ELAPOR2: variants seen among roughly 807,000 people sequenced by gnomAD.
ELAPOR2 encodes the protein endosome/lysosome-associated apoptosis and autophagy regulator family member 2.
In ELAPOR2, 89 loss-of-function variants were observed where a neutral mutation model predicts 120.7. The ratio of observed to expected loss-of-function variants is 0.74; its 90% CI spans 0.62 to 0.88. ELAPOR2 has a LOEUF of 0.88. ELAPOR2 is among the 40% of genes least tolerant of loss of function. The probability of loss-of-function intolerance (pLI) is 0.00; values close to 1 mark genes in which losing one functional copy is unlikely to be tolerated. For synonymous variants in ELAPOR2, 444 were observed against 444.9 expected (o/e 1.00, Z 0.03); for missense variants, 1,134 against 1,251.6 (o/e 0.91, Z 1.42).
chr7:86,970,063 G>T (rs1792053074), intron 1 of ELAPOR2, among the ~76,000 whole-genome samples: 1 of 152,196 alleles, frequency 6.6e-6, no homozygotes, highest in South Asian at 2.1e-4. Flanking sequence ...GAATAGGTGA[G>T]TGAGTGAATG....
At chr7:87,025,750 A>C (rs1794221826) in intron 1 of ELAPOR2, among the ~76,000 whole-genome samples, 2 of 152,158 alleles carry the variant, frequency 1.3e-5, no homozygotes. Flanking sequence ...ACATTAAATA[A>C]TTTTACTAAA....
At chr7:86,940,432 G>C (rs1042151579) in intron 5 of ELAPOR2, among the ~76,000 whole-genome samples, 1 of 152,052 alleles carries the variant, frequency 6.6e-6, no homozygotes, top group Admixed American at 6.6e-5. Context: ...ATCCATTTTA[G>C]AGGGTGAAAG....
intron 16 of ELAPOR2, 73 bp downstream of exon 16, chr7:86,909,739 A>G (rs1562913997): frequency 1.1e-5 from 14 of 1,303,662 alleles, no homozygotes; most frequent in East Asian, 2.4e-5. Context: ...AAACACCAAT[A>G]CAATGACAAG....
intron 1 of ELAPOR2, among the ~76,000 whole-genome samples, chr7:86,980,380 T>A (rs1024378): frequency 0.39 from 58,804 of 152,020 alleles, 12,421 homozygotes; most frequent in African/African-American, 0.56. Flanking sequence ...AACATACATT[T>A]GAGGCAGTTC....
intron 18 of ELAPOR2, among the ~76,000 whole-genome samples, chr7:86,899,819 T>C (rs1333945279): frequency 2.0e-5 from 3 of 151,910 alleles, no homozygotes; most frequent in Non-Finnish European, 4.4e-5. Flanking sequence ...CTGGGGAAAA[T>C]GGTTTAATTC....
chr7:86,953,615 A>G (rs1791356090), intron 2 of ELAPOR2, among the ~76,000 whole-genome samples: 1 of 152,200 alleles, frequency 6.6e-6, no homozygotes, highest in South Asian at 2.1e-4. Context: ...AACAAGCAGT[A>G]TGATAGACAG....
intron 18 of ELAPOR2, among the ~76,000 whole-genome samples, chr7:86,906,376 AC>A (rs1789016525): frequency 1.3e-5 from 2 of 152,126 alleles, no homozygotes; most frequent in African/African-American, 4.8e-5. Context: ...CTCACCTTGA[AC>A]AGGTAAAAAG....
chr7:87,040,205 C>A (rs1219764662), intron 1 of ELAPOR2, among the ~76,000 whole-genome samples: 2 of 152,258 alleles, frequency 1.3e-5, no homozygotes, highest in Non-Finnish European at 2.9e-5. Context: ...GAGGCGCCCG[C>A]CATTGCCCAG....
At chr7:86,938,441 C>T (rs1438209989) in intron 7 of ELAPOR2, among the ~76,000 whole-genome samples, 1 of 151,954 alleles carries the variant, frequency 6.6e-6, no homozygotes, top group Non-Finnish European at 1.5e-5. Flanking sequence ...CAGTTTTTCC[C>T]AGAAGATATT....
chr7:86,986,386 G>A lies in ELAPOR2; in HGVS notation c.190-21362C>T, dbSNP rs1239683723. Among the ~76,000 whole-genome samples, 6 of 109,154 alleles carry A rather than the reference G, an allele frequency of 5.5e-5. 1 individual carries two copies. Among genetic ancestry groups the A allele is most frequent in the East Asian group, 2.3e-4 (1 of 4,362 alleles). The allele number at this position is 109,154 out of a possible 152,430, so 71.6% of individuals were successfully genotyped here. A position where few individuals can be genotyped will look rare whatever the true frequency, so the allele number is the denominator to read the frequency against. On this transcript the variant is annotated intron_variant, in intron 1 of 21. Coordinates refer to ENST00000450689, the MANE Select transcript of ELAPOR2 (RefSeq NM_001142749.3). Reference sequence around the variant, plus strand: ...GGAGCTTGCAGTGAGCCGAGATCCCGCCACTGCACTCCAGCCTGGGCGACA... The same window carrying A: ...GGAGCTTGCAGTGAGCCGAGATCCCACCACTGCACTCCAGCCTGGGCGACA...
chr7:86,988,681 A>C (rs1161902398), intron 1 of ELAPOR2, among the ~76,000 whole-genome samples: 9 of 152,228 alleles, frequency 5.9e-5, no homozygotes, highest in Non-Finnish European at 8.8e-5. Flanking sequence ...GACAGTTTTC[A>C]AAAAGTATGT....
At chr7:86,945,518 G>A (rs778012465) in intron 3 of ELAPOR2, among the ~76,000 whole-genome samples, 1 of 152,096 alleles carries the variant, frequency 6.6e-6, no homozygotes, top group Admixed American at 6.5e-5. Context: ...TGTCAGTGAT[G>A]GACTTGGCTT....
intron 18 of ELAPOR2, among the ~76,000 whole-genome samples, chr7:86,901,855 G>A (rs1050031526): frequency 1.3e-5 from 2 of 152,198 alleles, no homozygotes; most frequent in African/African-American, 4.8e-5. Context: ...TTTCTCTGCT[G>A]AGGATGGCTT....
At chr7:86,939,961 A>G (rs1369513090) in intron 6 of ELAPOR2, 49 bp downstream of exon 6, 1 of 1,151,968 alleles carries the variant, frequency 8.7e-7, no homozygotes, top group East Asian at 2.5e-5. Context: ...TATTTTAACT[A>G]ACTGTAAGAT....
At chr7:86,894,790 A>T (rs925053933) in intron 19 of ELAPOR2, among the ~76,000 whole-genome samples, 2 of 152,070 alleles carry the variant, frequency 1.3e-5, no homozygotes, top group African/African-American at 2.4e-5. Context: ...AGATAAATTT[A>T]AAGATAAATT....
At chr7:87,032,855 C>T (rs1033761881) in intron 1 of ELAPOR2, among the ~76,000 whole-genome samples, 5 of 152,174 alleles carry the variant, frequency 3.3e-5, no homozygotes, top group African/African-American at 1.2e-4. Context: ...TGGCTACCTA[C>T]ACACCTTGTG....
rs531886412 is a variant in ELAPOR2 at position 87,033,820 on chromosome 7, T to A, written c.189+25505A>T. ...AGAAAATAGCTCAAAAGAAATTGAA[T>A]AAATGTGCATATATATAATATAGCA... On this transcript the variant is annotated intron_variant, in intron 1 of 21. Transcript: ENST00000450689. Among the ~76,000 whole-genome samples, 12 of 152,060 alleles carry A rather than the reference T, an allele frequency of 7.9e-5. No individual in the cohort carries two copies. In the South Asian group the frequency reaches 2.1e-3, roughly 26 times the overall value.
intron 2 of ELAPOR2, among the ~76,000 whole-genome samples, chr7:86,955,096 G>C (rs1255525305): frequency 6.6e-6 from 1 of 151,972 alleles, no homozygotes; most frequent in South Asian, 2.1e-4. Flanking sequence ...GCAGAAAATG[G>C]CATCTAAGAG....
intron 1 of ELAPOR2, among the ~76,000 whole-genome samples, chr7:87,034,751 G>A (rs1376501724): frequency 2.0e-5 from 3 of 152,108 alleles, no homozygotes; most frequent in African/African-American, 7.2e-5. Flanking sequence ...TTTTTACACT[G>A]TAGCATTCTT....
Sources: allele counts gnomAD v4.1 joint callset (sites outside exome capture counted in the v4.1 genomes callset), GRCh38; gene constraint gnomAD v4.1.1; transcripts MANE v1.5; gene names NCBI Gene and HGNC (gene_info 2026-07-23, HGNC 2026-07-21).